Variants in HTT observed in about 807,000 individuals in gnomAD.
HTT encodes huntingtin.
A neutral mutation model predicts 362.3 loss-of-function variants in HTT; 104 were observed. The observed-to-expected ratio is 0.29, with a 90% CI of 0.24 to 0.34. The LOEUF is 0.34. Ranked by LOEUF, HTT falls within the 10% of genes least tolerant of loss-of-function variation. The pLI is 1.00. For missense variants in HTT, 3,301 were observed against 3,928.6 expected (o/e 0.84, Z 4.27); for synonymous variants, 1,577 against 1,548.7 (o/e 1.02, Z -0.43).
At chr4:3,164,087 A>C (rs188792173) in intron 29 of HTT, among the ~76,000 whole-genome samples, 1 of 152,114 alleles carries the variant, frequency 6.6e-6, no homozygotes. Flanking sequence ...CCCTCTACAC[A>C]CTGCTTTAAA....
chr4:3,094,366 T>G (rs1479840148), intron 2 of HTT, among the ~76,000 whole-genome samples: 1 of 152,194 alleles, frequency 6.6e-6, no homozygotes, highest in Non-Finnish European at 1.5e-5. Context: ...TTCCCACATT[T>G]CCTCCTTTTC....
intron 29 of HTT, among the ~76,000 whole-genome samples, chr4:3,161,068 C>A (rs1184814830): frequency 6.6e-6 from 1 of 152,140 alleles, no homozygotes; most frequent in Non-Finnish European, 1.5e-5. Flanking sequence ...TTATCCCTCC[C>A]CCAGTCCCCT....
intron 21 of HTT, 94 bp downstream of exon 21, chr4:3,136,420 G>A: frequency 3.4e-6 from 2 of 579,870 alleles, no homozygotes; most frequent in Admixed American, 6.2e-5. Flanking sequence ...AGGATGTAGA[G>A]CAGTATTCCT....
intron 3 of HTT, among the ~76,000 whole-genome samples, chr4:3,101,646 A>G (rs140982151): frequency 1.3e-5 from 2 of 152,360 alleles, no homozygotes; most frequent in Non-Finnish European, 2.9e-5. Context: ...TAGCCCAAGA[A>G]AATGGGCACA....
chr4:3,126,140 C>T (rs1715510018), intron 11 of HTT, among the ~76,000 whole-genome samples: 1 of 152,210 alleles, frequency 6.6e-6, no homozygotes, highest in South Asian at 2.1e-4. Flanking sequence ...GCAGCCTCCG[C>T]CTTCTGGGTT....
At position 3,086,922 on chromosome 4, in the gene HTT, C is replaced by CT. The variant is rs752099005; in HGVS notation, c.264-9dup. On this transcript the variant is annotated splice_polypyrimidine_tract_variant and intron_variant, in intron 1 of 66. Coordinates refer to ENST00000355072, the MANE Select transcript of HTT (RefSeq NM_001388492.1). ...TAATTCAACACATATTAATTTCCTT[C>CT]TTTTTTTTATTTTTAGAAAGAAAGA... is the stretch of plus-strand genomic sequence containing the variant. 5.8e-5 allele frequency: 86 copies of CT among 1,475,790 alleles called. No homozygotes were observed. Among genetic ancestry groups the CT allele is most frequent in the Non-Finnish European group, 7.0e-5 (74 of 1,056,874 alleles). 91.4% of individuals were successfully genotyped at this position (1,475,790 alleles called of 1,614,324 possible).
intron 26 of HTT, among the ~76,000 whole-genome samples, chr4:3,148,573 G>A (rs1335433961): frequency 6.6e-6 from 1 of 152,082 alleles, no homozygotes; most frequent in East Asian, 1.9e-4. Flanking sequence ...CGAGGTGGGC[G>A]GATCACGAGG....
intron 47 of HTT, among the ~76,000 whole-genome samples, chr4:3,210,697 C>T (rs936477539): frequency 2.0e-5 from 3 of 152,118 alleles, no homozygotes; most frequent in African/African-American, 7.2e-5. Context: ...CCTCCTGGTG[C>T]TTTAGCCCTG....
At chr4:3,147,013 G>A in intron 25 of HTT, 65 bp downstream of exon 25, 1 of 1,508,864 alleles carries the variant, frequency 6.6e-7, no homozygotes, top group Non-Finnish European at 9.2e-7. Context: ...GGGGGAATGG[G>A]GGTGGTGAGC....
chr4:3,166,058 T>G (rs551508848), intron 29 of HTT, among the ~76,000 whole-genome samples: 54 of 152,342 alleles, frequency 3.5e-4, no homozygotes, highest in Middle Eastern at 6.8e-3. Context: ...TTATCTACCT[T>G]TGGTCTTTGA....
In HTT at chr4:3,131,706, G is replaced by A. The variant is rs1715824724; in HGVS notation, c.2167G>A (p.Val723Met). Residue 723 changes from valine to methionine, a missense_variant, in exon 16 of 67, where the codon GTG (valine) becomes ATG (methionine). By Grantham distance (21) the Val-to-Met change is conservative. Around this residue, in one of 4 missense-constraint regions of HTT, gnomAD observed 2,316 missense variants for 2,658.5 expected, o/e 0.87. Coordinates refer to ENST00000355072, the MANE Select transcript of HTT (RefSeq NM_001388492.1). ...ALALSCVGAA[V>M]ALHPESFFSK... ...GGCCCTCAGCTGTGTGGGAGCAGCT[G>A]TGGCCCTCCACCCGGAATCTTTCTT... 7 of 1,613,962 alleles carry A rather than the reference G, an allele frequency of 4.3e-6. No homozygotes were observed. In the African/African-American group the frequency reaches 8.0e-5, roughly 18 times the overall value.
At chr4:3,130,194 C>T (rs1048966323) in intron 13 of HTT, 111 bp from the exon 14 acceptor site, 4 of 1,057,594 alleles carry the variant, frequency 3.8e-6, no homozygotes, top group Non-Finnish European at 5.5e-6. Context: ...GAGGAATAAT[C>T]ATACTTTTTC....
At chr4:3,194,936 T>C (rs1719179481) in intron 40 of HTT, among the ~76,000 whole-genome samples, 4 of 152,226 alleles carry the variant, frequency 2.6e-5, no homozygotes, top group Admixed American at 2.6e-4. Context: ...GTAGGTTTAA[T>C]TTTAATTATC....
intron 29 of HTT, among the ~76,000 whole-genome samples, chr4:3,162,061 A>G (rs1717473157): frequency 6.6e-6 from 1 of 152,028 alleles, no homozygotes; most frequent in South Asian, 2.1e-4. Context: ...CCTAGGTCTT[A>G]TGTTTAAGTC....
chr4:3,078,971 G>A (rs765048768), intron 1 of HTT, among the ~76,000 whole-genome samples: 28 of 152,136 alleles, frequency 1.8e-4, no homozygotes, highest in African/African-American at 3.4e-4. Flanking sequence ...TCCTGACCTC[G>A]TCATCCGCCG....
chr4:3,185,626 G>A (rs1718724813), intron 37 of HTT, among the ~76,000 whole-genome samples: 1 of 152,172 alleles, frequency 6.6e-6, no homozygotes, highest in South Asian at 2.1e-4. Context: ...GATTAAAAAT[G>A]TTCTGGCCAG....
intron 51 of HTT, among the ~76,000 whole-genome samples, chr4:3,217,204 GAT>G (rs1720447018): frequency 6.6e-6 from 1 of 152,150 alleles, no homozygotes; most frequent in African/African-American, 2.4e-5. Flanking sequence ...TAGTAGGTAT[GAT>G]ATTCTAGACT....
rs199954376 is a variant in HTT, at chr4:3,127,336, A to C, written c.1475A>C (p.His492Pro). 1.9e-6 allele frequency: 3 copies of C among 1,614,232 alleles called. No homozygotes were observed. Among genetic ancestry groups the C allele is most frequent in the Non-Finnish European group, 2.5e-6 (3 of 1,180,026 alleles). ...GTTTCCACTCCAGGGTCAGCAGGTC[A>C]TGACATCATCACAGAACAGCCACGG... is the stretch of plus-strand genomic sequence containing the variant. The part of the protein sequence containing the change: ...SGVSTPGSAG[H>P]DIITEQPRSQ... Residue 492 changes from histidine to proline, a missense_variant, in exon 12 of 67, where the codon CAT becomes CCT. By Grantham distance (77) the His-to-Pro change is moderately conservative (BLOSUM62 -2). Coordinates refer to ENST00000355072, the MANE Select transcript of HTT (RefSeq NM_001388492.1).
At chr4:3,153,651 G>C (rs551611897) in intron 26 of HTT, among the ~76,000 whole-genome samples, 1 of 152,118 alleles carries the variant, frequency 6.6e-6, no homozygotes, top group South Asian at 2.1e-4. Context: ...GGTTGGGCAC[G>C]GTGGCTCATG....
Sources: allele counts gnomAD v4.1 joint callset (sites outside exome capture counted in the v4.1 genomes callset), GRCh38; gene constraint gnomAD v4.1.1; regional missense constraint gnomAD v4.1.1; transcripts MANE v1.5; gene names NCBI Gene and HGNC (gene_info 2026-07-23, HGNC 2026-07-21).